ARHGAP10: variants seen among roughly 807,000 people sequenced by gnomAD.
ARHGAP10 encodes Rho GTPase activating protein 10.
Under a neutral mutation model 108.6 loss-of-function variants are expected in ARHGAP10, and 87 were observed. That is an observed-to-expected ratio of 0.80 (90% confidence interval 0.67 to 0.96). ARHGAP10 has a LOEUF of 0.96. ARHGAP10 is among the 40% of genes least tolerant of loss of function. The pLI is 0.00. For missense variants in ARHGAP10, 939 were observed against 954.5 expected (o/e 0.98, Z 0.21); for synonymous variants, 347 against 341.1 (o/e 1.02, Z -0.19).
intron 10 of ARHGAP10, among the ~76,000 whole-genome samples, chr4:147,898,979 G>A (rs1736111823): frequency 6.6e-6 from 1 of 152,146 alleles, no homozygotes; most frequent in Non-Finnish European, 1.5e-5. Flanking sequence ...TCGACATGTG[G>A]GGATTACAAT....
At chr4:147,896,960 A>G (rs889651601) in intron 10 of ARHGAP10, among the ~76,000 whole-genome samples, 10 of 152,058 alleles carry the variant, frequency 6.6e-5, no homozygotes, top group Admixed American at 6.5e-4. Flanking sequence ...AAAACAGTTT[A>G]TAGTCTATCA....
At chr4:147,744,674 G>C (rs898272099) in intron 1 of ARHGAP10, among the ~76,000 whole-genome samples, 6 of 152,132 alleles carry the variant, frequency 3.9e-5, no homozygotes, top group Non-Finnish European at 8.8e-5. Context: ...TCAGGTTCTG[G>C]TGTGGGCTGG....
chr4:148,035,428 A>C (rs1281067497), intron 19 of ARHGAP10, among the ~76,000 whole-genome samples: 1 of 152,162 alleles, frequency 6.6e-6, no homozygotes, highest in Non-Finnish European at 1.5e-5. Context: ...GTGGAGTAGG[A>C]AGCTCTTTTC....
chr4:147,753,518 GT>G (rs11449935), intron 1 of ARHGAP10, among the ~76,000 whole-genome samples: 302 of 139,048 alleles, frequency 2.2e-3, no homozygotes, highest in Non-Finnish European at 2.5e-3. Flanking sequence ...TAATTTTTTG[GT>G]TTTTTTTTTT....
At chr4:147,761,897 C>T (rs1464584078) in intron 1 of ARHGAP10, among the ~76,000 whole-genome samples, 1 of 139,892 alleles carries the variant, frequency 7.1e-6, no homozygotes. Context: ...CTTTATGTAG[C>T]AGTAACAGCA....
At chr4:147,959,514 C>T (rs1321711164) in intron 16 of ARHGAP10, among the ~76,000 whole-genome samples, 1 of 152,024 alleles carries the variant, frequency 6.6e-6, no homozygotes, top group African/African-American at 2.4e-5. Context: ...CTATCCCTCC[C>T]CGCTCCCCCC....
At chr4:148,063,509 A>G (rs1255713416) in intron 21 of ARHGAP10, among the ~76,000 whole-genome samples, 1 of 152,234 alleles carries the variant, frequency 6.6e-6, no homozygotes, top group African/African-American at 2.4e-5. Flanking sequence ...AATTTGCCTT[A>G]CATGAGACTT....
chr4:147,884,487 A>G (rs185370212), intron 10 of ARHGAP10, among the ~76,000 whole-genome samples: 147 of 152,338 alleles, frequency 9.6e-4, no homozygotes, highest in Non-Finnish European at 1.1e-3. Flanking sequence ...TTAAAGAGGC[A>G]TAGGGGCCTG....
At chr4:147,891,634 T>G (rs1256261848) in intron 10 of ARHGAP10, among the ~76,000 whole-genome samples, 1 of 152,218 alleles carries the variant, frequency 6.6e-6, no homozygotes, top group Non-Finnish European at 1.5e-5. Context: ...AATAGAGCTA[T>G]TTTAAACAAT....
chr4:147,813,781 C>T (rs1432357739), intron 1 of ARHGAP10, among the ~76,000 whole-genome samples: 2 of 152,170 alleles, frequency 1.3e-5, no homozygotes, highest in Non-Finnish European at 2.9e-5. Flanking sequence ...ATTGTATTCT[C>T]ATTATTTAAG....
At chr4:147,867,327 G>T (rs2126848636) in intron 7 of ARHGAP10, among the ~76,000 whole-genome samples, 1 of 152,268 alleles carries the variant, frequency 6.6e-6, no homozygotes, top group Non-Finnish European at 1.5e-5. Flanking sequence ...TTAGGAGAAT[G>T]TTATTAAGCA....
At chr4:147,943,773 A>G (rs968458588) in intron 14 of ARHGAP10, among the ~76,000 whole-genome samples, 9 of 152,230 alleles carry the variant, frequency 5.9e-5, no homozygotes, top group African/African-American at 2.2e-4. Context: ...ATCCCAAATA[A>G]TTATTAAATT....
chr4:148,050,839 C>T (rs1027008326), intron 20 of ARHGAP10, among the ~76,000 whole-genome samples: 2 of 152,164 alleles, frequency 1.3e-5, no homozygotes. Context: ...ACCAGCTATA[C>T]AGTATTAAAT....
At chr4:147,963,321 G>C (rs1739073462) in intron 16 of ARHGAP10, among the ~76,000 whole-genome samples, 1 of 152,104 alleles carries the variant, frequency 6.6e-6, no homozygotes, top group African/African-American at 2.4e-5. Context: ...CCGTTCTTCA[G>C]GACCCAATCT....
intron 1 of ARHGAP10, among the ~76,000 whole-genome samples, chr4:147,777,996 C>T (rs1730364682): frequency 6.6e-6 from 1 of 152,142 alleles, no homozygotes; most frequent in Admixed American, 6.6e-5. Context: ...GCATGGCACT[C>T]AACTAGATGA....
At chr4:147,764,491 A>G (rs765926316) in intron 1 of ARHGAP10, among the ~76,000 whole-genome samples, 8 of 151,964 alleles carry the variant, frequency 5.3e-5, no homozygotes, top group Non-Finnish European at 8.8e-5. Context: ...GAGGTAAAAA[A>G]AAAAAACCTC....
chr4:147,806,423 AT>A (rs1731786072), intron 1 of ARHGAP10, among the ~76,000 whole-genome samples: 1 of 150,810 alleles, frequency 6.6e-6, no homozygotes, highest in African/African-American at 2.4e-5. Flanking sequence ...ATAATATATA[AT>A]TCATTATTAA....
intron 19 of ARHGAP10, among the ~76,000 whole-genome samples, chr4:148,042,335 C>T (rs1348832372): frequency 6.6e-6 from 1 of 152,148 alleles, no homozygotes; most frequent in Non-Finnish European, 1.5e-5. Context: ...CCTGCAATAC[C>T]TTCCCAGTGT....
At chr4:147,749,867 T>C (rs1370814769) in intron 1 of ARHGAP10, among the ~76,000 whole-genome samples, 2 of 152,232 alleles carry the variant, frequency 1.3e-5, no homozygotes, top group African/African-American at 4.8e-5. Context: ...TGATACTGTC[T>C]AAAAGGCTTG....
Sources: allele counts gnomAD v4.1 joint callset (sites outside exome capture counted in the v4.1 genomes callset), GRCh38; gene constraint gnomAD v4.1.1; transcripts MANE v1.5; gene names NCBI Gene and HGNC (gene_info 2026-07-23, HGNC 2026-07-21).